Variants in HRH3 observed in about 807,000 individuals in gnomAD.
The protein encoded by HRH3 is histamine H3 receptor.
A neutral mutation model predicts 21.6 loss-of-function variants in HRH3; 13 were observed. That is an observed-to-expected ratio of 0.60 (90% CI 0.39 to 0.96). The LOEUF (loss-of-function observed/expected upper bound fraction) is 0.96. Ranked by LOEUF, HRH3 falls within the 40% of genes least tolerant of loss-of-function variation. The pLI is 0.00. For synonymous variants in HRH3, 276 were observed against 290.3 expected (o/e 0.95, Z 0.50); for missense variants, 461 against 622.7 (o/e 0.74, Z 2.76).
Position 62,218,859 on chromosome 20 carries a change from ACTAT to A in HRH3, c.251-206_251-203del, listed in dbSNP as rs1402614542. Among the ~76,000 whole-genome samples the A allele has an allele frequency of 2.6e-5, 4 of 151,442 alleles. No homozygotes were observed. The highest frequency in any genetic ancestry group is 3.4e-3 in the Middle Eastern group (1 of 292). ...CCTTCACCCCCACATAGCTCCCAGC[ACTAT>A]CTGTGTCCCCTGGGCCTGGGGGCAG... On this transcript the variant is annotated intron_variant, in intron 1 of 2. Transcript: ENST00000340177. This position sits in a 1 kb window ranked among gnomAD's most constrained non-coding sequence, Gnocchi z 5.6.
Position 62,218,121 on chromosome 20 carries a change from C to CTG in HRH3, c.417+368_417+369dup, listed in dbSNP as rs141172669. Among the ~76,000 whole-genome samples the CTG allele has an allele frequency of 6.6e-6, 1 of 152,284 alleles. No individual in the cohort carries two copies. The highest frequency in any genetic ancestry group is 2.4e-5 in the African/African-American group (1 of 41,574). ...GATCTGCCGCCTGCCTTCCCGGGGC[C>CTG]TGTGTGTGTGTGCACGCTGCACACA... is the stretch of plus-strand genomic sequence containing the variant. On this transcript the variant is annotated intron_variant, in intron 2 of 2. Transcript: ENST00000340177. The surrounding 1 kb of genome is among the most constrained non-coding windows in gnomAD (Gnocchi z 5.6).
Position 62,215,900 on chromosome 20 carries a change from C to T in HRH3, c.*106G>A, listed in dbSNP as rs200598161. 39 of 1,119,966 alleles carry T rather than the reference C, an allele frequency of 3.5e-5. No individual in the cohort carries two copies. The highest frequency in any genetic ancestry group is 3.0e-4 in the Middle Eastern group (1 of 3,372). The allele number at this position is 1,119,966 out of a possible 1,614,324, so 69.4% of individuals were successfully genotyped here. On this transcript the variant is annotated 3_prime_UTR_variant, in exon 3 of 3. Transcript: ENST00000340177. ...CATTAAGAGAGGGCCACAGACACGG[C>T]GGGGCTCACCCCTGGGGGAACGAGC...
chr20:62,216,528 C>T lies in HRH3; in HGVS notation c.816G>A (p.Leu272=). Residue 272 remains leucine, a synonymous_variant, in exon 3 of 3, where the codon CTG becomes CTA. Coordinates refer to ENST00000340177, the MANE Select transcript of HRH3 (RefSeq NM_007232.3). The part of the protein sequence containing the change: ...WQKGHGEAMP[L]HRYGVGEAAV... ...CCGCCTCACCCACCCCATACCTGTGCAGCGGCATGGCCTCCCCGTGCCCCT... is the reference window on the plus strand; with the variant it reads ...CCGCCTCACCCACCCCATACCTGTGTAGCGGCATGGCCTCCCCGTGCCCCT... The T allele has an allele frequency of 6.3e-7, 1 of 1,599,462 alleles. No individual in the cohort carries two copies. Among genetic ancestry groups the T allele is most frequent in the Non-Finnish European group, 8.5e-7 (1 of 1,174,366 alleles).
Position 62,219,664 on chromosome 20 carries a change from T to TG in HRH3, c.250+56dup. On this transcript the variant is annotated intron_variant, in intron 1 of 2. Transcript: ENST00000340177. This position sits in a 1 kb window ranked among gnomAD's most constrained non-coding sequence, Gnocchi z 8.7. ...CCCAGGTCCGTGTTCCAGTCCCCGC[T>TG]GGCCCGGCCACGCTGGGCGCCCCTG... is the stretch of plus-strand genomic sequence containing the variant. 6.5e-7 allele frequency: 1 copy of TG among 1,543,536 alleles called. No homozygotes were observed. Among genetic ancestry groups the TG allele is most frequent in the South Asian group, 1.2e-5 (1 of 84,236 alleles).
rs770600900 is a variant in HRH3 at position 62,216,905 on chromosome 20, C to A, written c.439G>T (p.Gly147Cys). ...TTCCGCACTGCCCGCCGCGTGTCAC[C>A]CTGCTGGGCCCGGTATGAGACCTGC... is the stretch of plus-strand genomic sequence containing the variant. The part of the protein sequence containing the change: ...TRAVSYRAQQ[G>C]DTRRAVRKML... Residue 147 changes from glycine (G) to cysteine (C), a missense_variant, in exon 3 of 3, where the codon GGT becomes TGT. Transcript: ENST00000340177. 5.0e-6 allele frequency: 8 copies of A among 1,605,298 alleles called. No individual in the cohort carries two copies. The highest frequency in any genetic ancestry group is 3.3e-5 in the Admixed American group (2 of 59,794).
rs1339557939 is a variant in HRH3, at chr20:62,218,727, C to T, written c.251-70G>A. On this transcript the variant is annotated intron_variant, in intron 1 of 2. Coordinates refer to ENST00000340177, the MANE Select transcript of HRH3 (RefSeq NM_007232.3). This position sits in a 1 kb window ranked among gnomAD's most constrained non-coding sequence, Gnocchi z 5.6. ...GGGGACAGACGGACCTAAGCGCAGA[C>T]ACCGGCGGGACCTGGGGTCACATGG... 15 of 1,486,362 alleles carry T rather than the reference C, an allele frequency of 1.0e-5. No individual in the cohort carries two copies. Among genetic ancestry groups the T allele is most frequent in the Non-Finnish European group, 9.2e-7 (1 of 1,087,502 alleles). The allele number at this position is 1,486,362 out of a possible 1,614,324, so 92.1% of individuals were successfully genotyped here.
Position 62,215,779 on chromosome 20 carries a change from G to C in HRH3, c.*227C>G, listed in dbSNP as rs201498344. ...GTCCCTCCCGGTGGAGCCAGAATGT[G>C]GGGGGCAGGGCCGGCCACCCAGCCT... On this transcript the variant is annotated 3_prime_UTR_variant, in exon 3 of 3. Transcript: ENST00000340177. 20 of 572,838 alleles carry C rather than the reference G, an allele frequency of 3.5e-5. No individual in the cohort carries two copies. The highest frequency in any genetic ancestry group is 7.5e-5 in the African/African-American group (4 of 53,392). 35.5% of individuals were successfully genotyped at this position (572,838 alleles called of 1,614,324 possible).
intron 2 of HRH3, among the ~76,000 whole-genome samples, chr20:62,217,820 G>A (rs1978641577): frequency 6.6e-6 from 1 of 152,206 alleles, no homozygotes; most frequent in Non-Finnish European, 1.5e-5. Context: ...GGAAAGGAGG[G>A]AGAGACCACA....
Position 62,219,629 on chromosome 20 carries a change from G to A in HRH3, c.250+92C>T. 1 of 1,470,058 alleles carries A rather than the reference G, an allele frequency of 6.8e-7. No homozygotes were observed. The highest frequency in any genetic ancestry group is 2.8e-5 in the East Asian group (1 of 35,834). The allele number at this position is 1,470,058 out of a possible 1,614,324, so 91.1% of individuals were successfully genotyped here. A position where few individuals can be genotyped will look rare whatever the true frequency, so the allele number is the denominator to read the frequency against. ...GGGTCCCCTGGTGGGGCGTGTGCCT[G>A]CGGGAGCCACCCAGGTCCGTGTTCC... On this transcript the variant is annotated intron_variant, in intron 1 of 2. Transcript: ENST00000340177. This position sits in a 1 kb window ranked among gnomAD's most constrained non-coding sequence, Gnocchi z 8.7.
rs574869151 is a variant in HRH3, at chr20:62,219,508, G to A, written c.250+213C>T. Among the ~76,000 whole-genome samples the A allele has an allele frequency of 2.0e-5, 3 of 152,146 alleles. No homozygotes were observed. Among genetic ancestry groups the A allele is most frequent in the African/African-American group, 7.2e-5 (3 of 41,444 alleles). The stretch of plus-strand genomic sequence containing the variant: ...CCCAGTGCCCGTGTCCCTTCCCGGG[G>A]ACATCTCTCCCCAGCCCCTGTCCCG... On this transcript the variant is annotated intron_variant, in intron 1 of 2. Coordinates refer to ENST00000340177, the MANE Select transcript of HRH3 (RefSeq NM_007232.3). This position sits in a 1 kb window ranked among gnomAD's most constrained non-coding sequence, Gnocchi z 8.7.
In HRH3 at chr20:62,218,414, T is replaced by G. The variant is rs1308450064; in HGVS notation, c.417+77A>C. On this transcript the variant is annotated intron_variant, in intron 2 of 2. Transcript: ENST00000340177. The surrounding 1 kb of genome is among the most constrained non-coding windows in gnomAD (Gnocchi z 5.6). ...TCTGCCCACAACTCAGAAGTGGCCGTCCCCACCCAGGTGCCTCCCATGGGC... is the reference window on the plus strand; with the variant it reads ...TCTGCCCACAACTCAGAAGTGGCCGGCCCCACCCAGGTGCCTCCCATGGGC... 8.6e-6 allele frequency: 13 copies of G among 1,503,140 alleles called. No homozygotes were observed. The highest frequency in any genetic ancestry group is 7.2e-5 in the East Asian group (3 of 41,852). 93.1% of individuals were successfully genotyped at this position (1,503,140 alleles called of 1,614,324 possible).
In HRH3 at chr20:62,219,698, G is replaced by A. The variant is rs1978731225; in HGVS notation, c.250+23C>T. On this transcript the variant is annotated intron_variant, in intron 1 of 2. Coordinates refer to ENST00000340177, the MANE Select transcript of HRH3 (RefSeq NM_007232.3). This position sits in a 1 kb window ranked among gnomAD's most constrained non-coding sequence, Gnocchi z 8.7. ...CACGCTGGGCGCCCCTGGGTCCCCAGCGGCCAGGGGCTGGGGATTTACCGA... is the reference window on the plus strand; with the variant it reads ...CACGCTGGGCGCCCCTGGGTCCCCAACGGCCAGGGGCTGGGGATTTACCGA... The A allele has an allele frequency of 1.3e-6, 2 of 1,584,770 alleles. No individual in the cohort carries two copies. Among genetic ancestry groups the A allele is most frequent in the East Asian group, 4.7e-5 (2 of 42,582 alleles).
chr20:62,217,342 T>G (rs888398692), intron 2 of HRH3, among the ~76,000 whole-genome samples: 1 of 152,240 alleles, frequency 6.6e-6, no homozygotes, highest in African/African-American at 2.4e-5. Context: ...CCGAGCCATC[T>G]GCAGAGGTTG....
At position 62,218,376 on chromosome 20, in the gene HRH3, G is replaced by T; in HGVS notation, c.417+115C>A. 1 of 1,236,510 alleles carries T rather than the reference G, an allele frequency of 8.1e-7. No homozygotes were observed. The allele number at this position is 1,236,510 out of a possible 1,614,324, so 76.6% of individuals were successfully genotyped here. A position where few individuals can be genotyped will look rare whatever the true frequency, so the allele number is the denominator to read the frequency against. On this transcript the variant is annotated intron_variant, in intron 2 of 2. Transcript: ENST00000340177. The surrounding 1 kb of genome is among the most constrained non-coding windows in gnomAD (Gnocchi z 5.6). Reference sequence around the variant, plus strand: ...CATGTGTCAGCAGCAAAGCCAGTGGGACCAAGCCCACTTCTGCCCACAACT... The same window carrying T: ...CATGTGTCAGCAGCAAAGCCAGTGGTACCAAGCCCACTTCTGCCCACAACT...
Position 62,216,364 on chromosome 20 carries a change from G to A in HRH3, c.980C>T (p.Ser327Leu), listed in dbSNP as rs1444568851. The A allele has an allele frequency of 7.6e-6, 12 of 1,573,928 alleles. No homozygotes were observed. The highest frequency in any genetic ancestry group is 2.3e-5 in the South Asian group (2 of 87,002). The change falls in exon 3 of 3, where the codon TCG becomes TTG. Residue 327 changes from serine to leucine, a missense_variant. Coordinates refer to ENST00000340177, the MANE Select transcript of HRH3 (RefSeq NM_007232.3). ...PRSLKRGSKP[S>L]ASSASLEKRM... The stretch of plus-strand genomic sequence containing the variant: ...CTTCTCCAGCGAGGCCGAGGACGCC[G>A]ACGGCTTGGAGCCCCTCTTGAGTGA...
chr20:62,219,592 C>T lies in HRH3; in HGVS notation c.250+129G>A. The T allele has an allele frequency of 8.1e-7, 1 of 1,239,916 alleles. No homozygotes were observed. Among genetic ancestry groups the T allele is most frequent in the Admixed American group, 3.0e-5 (1 of 33,286 alleles). The allele number at this position is 1,239,916 out of a possible 1,614,324, so 76.8% of individuals were successfully genotyped here. The stretch of plus-strand genomic sequence containing the variant: ...CCCACCCCATGGGCTCCGGACGCCC[C>T]CTTCCCAGGCCGGGTCCCCTGGTGG... On this transcript the variant is annotated intron_variant, in intron 1 of 2. Coordinates refer to ENST00000340177, the MANE Select transcript of HRH3 (RefSeq NM_007232.3). This position sits in a 1 kb window ranked among gnomAD's most constrained non-coding sequence, Gnocchi z 8.7.
rs980104970 is a variant in HRH3, at chr20:62,214,999, G to A, written c.*1007C>T. On this transcript the variant is annotated 3_prime_UTR_variant, in exon 3 of 3. Coordinates refer to ENST00000340177, the MANE Select transcript of HRH3 (RefSeq NM_007232.3). The stretch of plus-strand genomic sequence containing the variant: ...AAAATACACTTTATTGTGACCTCAC[G>A]GTTTGCAGGGCAGCGCAGCGGGCAC... 2 of 232,516 alleles carry A rather than the reference G, an allele frequency of 8.6e-6. No individual in the cohort carries two copies. The highest frequency in any genetic ancestry group is 2.3e-5 in the African/African-American group (1 of 44,240). 14.4% of individuals were successfully genotyped at this position (232,516 alleles called of 1,614,324 possible).
At chr20:62,217,602 C>T (rs1005911003) in intron 2 of HRH3, among the ~76,000 whole-genome samples, 6 of 152,130 alleles carry the variant, frequency 3.9e-5, no homozygotes, top group Non-Finnish European at 8.8e-5. Context: ...ACTGAGGGGT[C>T]TCAGGTAGGA....
rs774711863 is a variant in HRH3 at position 62,216,553 on chromosome 20, T to C, written c.791A>G (p.Lys264Arg). 1 of 1,604,582 alleles carries C rather than the reference T, an allele frequency of 6.2e-7. No homozygotes were observed. The highest frequency in any genetic ancestry group is 8.5e-7 in the Non-Finnish European group (1 of 1,176,026). ...CAGCGGCATGGCCTCCCCGTGCCCC[T>C]TCTGCCAGCAGCCCCAGCAGCCAGG... ...PPPGCWGCWQ[K>R]GHGEAMPLHR... The change falls in exon 3 of 3, where the codon AAG becomes AGG. Residue 264 changes from lysine to arginine, a missense_variant. Around this residue, in one of 6 missense-constraint regions of HRH3, gnomAD observed 163 missense variants for 139.4 expected, o/e 1.17. Coordinates refer to ENST00000340177, the MANE Select transcript of HRH3 (RefSeq NM_007232.3).
Sources: allele counts gnomAD v4.1 joint callset (sites outside exome capture counted in the v4.1 genomes callset), GRCh38; gene constraint gnomAD v4.1.1; regional missense constraint gnomAD v4.1.1; non-coding constraint Gnocchi (gnomAD v3.1); transcripts MANE v1.5; gene names NCBI Gene and HGNC (gene_info 2026-07-23, HGNC 2026-07-21).